Variants in NEK7 observed in about 807,000 individuals in gnomAD.
The protein encoded by NEK7 is serine/threonine-protein kinase Nek7.
A neutral mutation model predicts 44.6 loss-of-function variants in NEK7; 18 were observed. That is an observed-to-expected ratio of 0.40 (90% CI 0.28 to 0.60). NEK7 has a LOEUF of 0.60. NEK7 is among the 20% of genes least tolerant of loss of function. NEK7 has a pLI of 0.38. For missense variants in NEK7, 256 were observed against 366.5 expected (o/e 0.70, Z 2.46); for synonymous variants, 130 against 121.1 (o/e 1.07, Z -0.48).
chr1:198,227,421 C>T (rs1193813187), intron 1 of NEK7, among the ~76,000 whole-genome samples: 1 of 151,754 alleles, frequency 6.6e-6, no homozygotes, highest in Non-Finnish European at 1.5e-5. Context: ...ATTTCTAGTT[C>T]TAGATCCCTG....
intron 1 of NEK7, among the ~76,000 whole-genome samples, chr1:198,167,226 C>T (rs1048797064): frequency 2.0e-5 from 3 of 152,218 alleles, no homozygotes; most frequent in African/African-American, 4.8e-5. Flanking sequence ...GCTTGTGTCT[C>T]TTCTCATAAG....
At chr1:198,264,336 C>G (rs1027242245) in intron 5 of NEK7, 101 bp downstream of exon 5, 2 of 780,284 alleles carry the variant, frequency 2.6e-6, no homozygotes, top group Non-Finnish European at 2.1e-6. Flanking sequence ...AAACTAAAGA[C>G]CTCAATGCAA....
At chr1:198,210,753 T>C (rs977270876) in intron 1 of NEK7, among the ~76,000 whole-genome samples, 2 of 119,242 alleles carry the variant, frequency 1.7e-5, no homozygotes, top group East Asian at 2.2e-4. Context: ...TTTTTTTTTT[T>C]TTTTTTTTTT....
chr1:198,292,550 T>C (rs58524394), intron 7 of NEK7, among the ~76,000 whole-genome samples: 19,580 of 151,984 alleles, frequency 0.13, 1,946 homozygotes, highest in African/African-American at 0.26. Flanking sequence ...ATTGTTATAT[T>C]ATTTATTTTT....
intron 1 of NEK7, among the ~76,000 whole-genome samples, chr1:198,230,699 G>C (rs1258306068): frequency 6.6e-6 from 1 of 151,972 alleles, no homozygotes; most frequent in African/African-American, 2.4e-5. Flanking sequence ...CTACAGAAAA[G>C]CTACTTGGAC....
chr1:198,244,873 G>A (rs1375935320), intron 2 of NEK7, among the ~76,000 whole-genome samples: 1 of 151,972 alleles, frequency 6.6e-6, no homozygotes, highest in Non-Finnish European at 1.5e-5. Flanking sequence ...TCTGGAAGGA[G>A]AAATGTATAT....
At chr1:198,286,422 C>CA (rs1553256111) in intron 7 of NEK7, among the ~76,000 whole-genome samples, 2 of 142,944 alleles carry the variant, frequency 1.4e-5, no homozygotes, top group Admixed American at 7.0e-5. Flanking sequence ...AGAGGTCACA[C>CA]TTTTTTTTTT....
rs187156100 is a variant in NEK7, at chr1:198,313,263, C to T, written c.799-6149C>T. Among the ~76,000 whole-genome samples, 1,505 of 152,166 alleles carry T rather than the reference C, an allele frequency of 9.9e-3. 25 individuals are homozygous for T. The highest frequency in any genetic ancestry group is 0.034 in the African/African-American group (1,416 of 41,504). On this transcript the variant is annotated intron_variant, in intron 9 of 9. Transcript: ENST00000367385. ...TTTATCAGAGACTAGGATTGCCACC[C>T]CTCCCTTTTTTTGTTTTCGATTTGC...
intron 7 of NEK7, among the ~76,000 whole-genome samples, chr1:198,284,325 G>A (rs1052038480): frequency 6.6e-6 from 1 of 152,016 alleles, no homozygotes; most frequent in African/African-American, 2.4e-5. Flanking sequence ...CTGATTTGTT[G>A]TTATTAGATC....
At chr1:198,199,491 A>G (rs1397944615) in intron 1 of NEK7, among the ~76,000 whole-genome samples, 4 of 151,786 alleles carry the variant, frequency 2.6e-5, no homozygotes. Flanking sequence ...CATTTAATTA[A>G]TTAGTTAATT....
At position 198,253,454 on chromosome 1, in the gene NEK7, A is replaced by G. The variant is rs575327963; in HGVS notation, c.198+274A>G. ...TAAGAGGCAGATTTGAGTCATCACC[A>G]TTACTTCTACCTGGACATTTAACTA... On this transcript the variant is annotated intron_variant, in intron 3 of 9. Coordinates refer to ENST00000367385, the MANE Select transcript of NEK7 (RefSeq NM_133494.3). Among the ~76,000 whole-genome samples, 18 of 152,252 alleles carry G rather than the reference A, an allele frequency of 1.2e-4. 1 individual carries two copies. Among genetic ancestry groups the G allele is most frequent in the Admixed American group, 9.2e-4 (14 of 15,268 alleles).
chr1:198,203,014 T>TTACAATATGTAATTGTAATAC (rs538930542), intron 1 of NEK7, among the ~76,000 whole-genome samples: 2,711 of 152,216 alleles, frequency 0.018, 32 homozygotes, highest in Middle Eastern at 0.031. Flanking sequence ...CATATTTGAA[T>TTACAATATGTAATTGTAATAC]TACAAATGCT....
intron 1 of NEK7, among the ~76,000 whole-genome samples, chr1:198,200,802 C>T (rs1220884523): frequency 6.6e-6 from 1 of 152,138 alleles, no homozygotes; most frequent in Admixed American, 6.5e-5. Context: ...CTGCCTGCCT[C>T]GGCCTCCCAA....
At chr1:198,289,151 G>A (rs1654469860) in intron 7 of NEK7, among the ~76,000 whole-genome samples, 1 of 151,890 alleles carries the variant, frequency 6.6e-6, no homozygotes, top group African/African-American at 2.4e-5. Flanking sequence ...GTGTGTGTGT[G>A]TGTGTGTGTG....
At chr1:198,240,126 A>G (rs1358559258) in intron 2 of NEK7, among the ~76,000 whole-genome samples, 1 of 152,232 alleles carries the variant, frequency 6.6e-6, no homozygotes, top group Non-Finnish European at 1.5e-5. Flanking sequence ...TGTAGATTTC[A>G]GTTATTCTAG....
chr1:198,222,796 A>G (rs908600637), intron 1 of NEK7, among the ~76,000 whole-genome samples: 7 of 152,210 alleles, frequency 4.6e-5, no homozygotes, highest in Middle Eastern at 3.4e-3. Flanking sequence ...AGATAAACAC[A>G]ATAAAAAAGT....
chr1:198,314,115 G>A (rs1456630577), intron 9 of NEK7, among the ~76,000 whole-genome samples: 1 of 152,028 alleles, frequency 6.6e-6, no homozygotes, highest in African/African-American at 2.4e-5. Context: ...CATATTTCTT[G>A]GAGGCTTTGC....
At chr1:198,224,582 A>T (rs1211400491) in intron 1 of NEK7, among the ~76,000 whole-genome samples, 1 of 152,230 alleles carries the variant, frequency 6.6e-6, no homozygotes, top group Non-Finnish European at 1.5e-5. Context: ...GAGGATAGAC[A>T]TTAAGTTTGC....
chr1:198,228,906 G>T (rs886598628), intron 1 of NEK7, among the ~76,000 whole-genome samples: 9 of 152,118 alleles, frequency 5.9e-5, no homozygotes, highest in East Asian at 1.9e-4. Context: ...AACACTATGT[G>T]GAATAGGAGT....
Sources: gnomAD v4.1 joint callset for allele counts (sites outside exome capture counted in the v4.1 genomes callset) on GRCh38, gnomAD v4.1.1 for gene constraint, MANE v1.5 for transcripts, NCBI Gene and HGNC (gene_info 2026-07-23, HGNC 2026-07-21) for gene names.